The following CAMK1D variants were observed in gnomAD, a reference collection of about 807,000 sequenced individuals.
The protein encoded by CAMK1D is calcium/calmodulin-dependent protein kinase type 1D.
In CAMK1D, 9 loss-of-function variants were observed where a neutral mutation model predicts 47.7. That is an observed-to-expected ratio of 0.19 (90% CI 0.11 to 0.33). CAMK1D has a LOEUF of 0.33. Ranked by LOEUF, CAMK1D falls within the 10% of genes least tolerant of loss-of-function variation. The pLI is 1.00. For synonymous variants in CAMK1D, 184 were observed against 184.9 expected (o/e 0.99, Z 0.04); for missense variants, 291 against 488.7 (o/e 0.60, Z 3.81).
intron 1 of CAMK1D, among the ~76,000 whole-genome samples, chr10:12,547,457 G>T (rs947475710): frequency 2.6e-5 from 4 of 152,190 alleles, no homozygotes; most frequent in African/African-American, 9.7e-5. Context: ...TAAATGCACA[G>T]TGCTTGTGTT....
intron 1 of CAMK1D, among the ~76,000 whole-genome samples, chr10:12,399,271 C>T (rs747651512): frequency 3.9e-5 from 6 of 152,038 alleles, no homozygotes; most frequent in Non-Finnish European, 7.4e-5. Context: ...TTTGGGAGGC[C>T]GAGGCAGTGG....
chr10:12,636,453 G>A (rs766642897), intron 2 of CAMK1D, among the ~76,000 whole-genome samples: 5 of 152,114 alleles, frequency 3.3e-5, no homozygotes, highest in African/African-American at 4.8e-5. Context: ...TCAGCTTCCT[G>A]AGGAGCTGAG....
rs1346108249 is a variant in CAMK1D at position 12,763,043 on chromosome 10, G to T, written c.438+1957G>T. 3.3e-5 allele frequency among the ~76,000 whole-genome samples: 5 copies of T among 152,342 alleles called. No individual in the cohort carries two copies. In the East Asian group the frequency reaches 7.7e-4, roughly 24 times the overall value. On this transcript the variant is annotated intron_variant, in intron 4 of 10. Transcript: ENST00000619168. ...TGTTTATCTCTCCCTTGGAAAGGCTGATTGGCTGTATGGGAGATAATGTTT... is the reference window on the plus strand; with the variant it reads ...TGTTTATCTCTCCCTTGGAAAGGCTTATTGGCTGTATGGGAGATAATGTTT...
intron 1 of CAMK1D, among the ~76,000 whole-genome samples, chr10:12,490,263 GT>G (rs1834342236): frequency 6.7e-6 from 1 of 150,358 alleles, no homozygotes; most frequent in South Asian, 2.1e-4. Flanking sequence ...TGGGATAAGT[GT>G]GAAACAGCGA....
At position 12,615,002 on chromosome 10, in the gene CAMK1D, G is replaced by A. The variant is rs77723728; in HGVS notation, c.225-51734G>A. Among the ~76,000 whole-genome samples, 1,425 of 152,322 alleles carry A rather than the reference G, an allele frequency of 9.4e-3. 7 individuals carry two copies. Among genetic ancestry groups the A allele is most frequent in the Middle Eastern group, 0.027 (8 of 294 alleles). On this transcript the variant is annotated intron_variant, in intron 2 of 10. Transcript: ENST00000619168. ...AGGTGCCTGGACCTGGGGCTTCTCA[G>A]TGAAGATAACGTTGGAGATGGGTTT...
chr10:12,827,462 T>TTCTTTCTTTC (rs1564594070), intron 10 of CAMK1D, among the ~76,000 whole-genome samples: 1 of 12,122 alleles, frequency 8.2e-5, no homozygotes, highest in African/African-American at 1.9e-4. Context: ...TTTTCTTTCT[T>TTCTTTCTTTC]TGTCTGTCTG....
intron 3 of CAMK1D, among the ~76,000 whole-genome samples, chr10:12,757,122 T>C (rs1836266724): frequency 6.7e-6 from 1 of 149,022 alleles, no homozygotes; most frequent in South Asian, 2.1e-4. Context: ...ATAGCTATTA[T>C]GCCATTCATT....
intron 2 of CAMK1D, among the ~76,000 whole-genome samples, chr10:12,575,443 C>G (rs145775416): frequency 3.3e-4 from 51 of 152,256 alleles, no homozygotes; most frequent in African/African-American, 1.2e-3. Context: ...TATCCTGTCT[C>G]CTTTGCTTTC....
intron 2 of CAMK1D, among the ~76,000 whole-genome samples, chr10:12,613,078 C>G (rs1838678878): frequency 6.6e-6 from 1 of 152,160 alleles, no homozygotes; most frequent in South Asian, 2.1e-4. Context: ...TGAACCTTCA[C>G]TTTTCCCTAC....
At chr10:12,374,322 C>G (rs1838106769) in intron 1 of CAMK1D, among the ~76,000 whole-genome samples, 1 of 151,346 alleles carries the variant, frequency 6.6e-6, no homozygotes, top group South Asian at 2.1e-4. Flanking sequence ...ATCGACCAAC[C>G]AGGGCAAGGA....
chr10:12,580,746 T>C (rs17494256), intron 2 of CAMK1D, among the ~76,000 whole-genome samples: 5,702 of 152,170 alleles, frequency 0.037, 133 homozygotes, highest in South Asian at 0.077. Flanking sequence ...GAATGGCCAA[T>C]GGTGGGAAAT....
intron 2 of CAMK1D, among the ~76,000 whole-genome samples, chr10:12,588,785 T>C (rs1172167615): frequency 6.7e-6 from 1 of 149,964 alleles, no homozygotes; most frequent in Non-Finnish European, 1.5e-5. Context: ...TATGTATATA[T>C]ATATACACAC....
intron 1 of CAMK1D, among the ~76,000 whole-genome samples, chr10:12,427,349 G>A (rs1840268551): frequency 6.6e-6 from 1 of 152,182 alleles, no homozygotes; most frequent in South Asian, 2.1e-4. Flanking sequence ...CTGCCCAGAG[G>A]GAAGTGGGGT....
chr10:12,473,445 A>C (rs908133027), intron 1 of CAMK1D, among the ~76,000 whole-genome samples: 7 of 152,156 alleles, frequency 4.6e-5, no homozygotes, highest in African/African-American at 1.7e-4. Flanking sequence ...AAAAGAAAAA[A>C]AAACTGTAAC....
intron 3 of CAMK1D, among the ~76,000 whole-genome samples, chr10:12,670,635 C>T (rs377537319): frequency 1.4e-4 from 22 of 152,048 alleles, no homozygotes; most frequent in Admixed American, 7.2e-4. Flanking sequence ...GCAACCTCTG[C>T]CTCCCGGGTT....
At chr10:12,694,751 G>C (rs931565880) in intron 3 of CAMK1D, among the ~76,000 whole-genome samples, 1 of 151,178 alleles carries the variant, frequency 6.6e-6, no homozygotes, top group Non-Finnish European at 1.5e-5. Flanking sequence ...AATTATGAAA[G>C]CATCCAGTCA....
intron 5 of CAMK1D, among the ~76,000 whole-genome samples, chr10:12,786,897 T>C (rs976185847): frequency 2.0e-5 from 3 of 152,062 alleles, no homozygotes; most frequent in South Asian, 2.1e-4. Context: ...CCAAGGCGGG[T>C]GGATCACCTG....
At chr10:12,458,342 A>G (rs1833319107) in intron 1 of CAMK1D, among the ~76,000 whole-genome samples, 1 of 152,222 alleles carries the variant, frequency 6.6e-6, no homozygotes, top group Non-Finnish European at 1.5e-5. Flanking sequence ...AGAGGAGTCC[A>G]TGCTGAGGCC....
rs568230104 is a variant in CAMK1D, at chr10:12,734,499, TAC to T, written c.300-26439_300-26438del. ...GTATATATACACATATGTATATATA[TAC>T]ACACACACATATATATACACGTATA... On this transcript the variant is annotated intron_variant, in intron 3 of 10. Transcript: ENST00000619168. 2.8e-3 allele frequency among the ~76,000 whole-genome samples: 389 copies of T among 139,774 alleles called. 4 individuals are homozygous for T. Among genetic ancestry groups the T allele is most frequent in the African/African-American group, 0.01 (362 of 35,244 alleles). The allele number at this position is 139,774 out of a possible 152,430, so 91.7% of individuals were successfully genotyped here.
Sources: allele counts gnomAD v4.1 joint callset (sites outside exome capture counted in the v4.1 genomes callset), GRCh38; gene constraint gnomAD v4.1.1; transcripts MANE v1.5; gene names NCBI Gene and HGNC (gene_info 2026-07-23, HGNC 2026-07-21).